OPCML: variants seen among roughly 807,000 people sequenced by gnomAD.
OPCML encodes the protein opioid binding protein/cell adhesion molecule like.
A neutral mutation model predicts 37.8 loss-of-function variants in OPCML; 13 were observed. That is an observed-to-expected ratio of 0.34 (90% CI 0.22 to 0.55). The LOEUF (loss-of-function observed/expected upper bound fraction) is 0.55. Among genes scored for constraint, OPCML ranks in the 20% least tolerant of loss-of-function variants. OPCML has a pLI of 0.91. For missense variants in OPCML, 341 were observed against 435.6 expected, an observed-to-expected ratio of 0.78 and a Z score of 1.93; for synonymous variants, 176 against 168.8, an observed-to-expected ratio of 1.04 and a Z score of -0.33.
At chr11:132,633,669 A>G (rs993711948) in intron 3 of OPCML, among the ~76,000 whole-genome samples, 2 of 152,102 alleles carry the variant, frequency 1.3e-5, no homozygotes, top group Admixed American at 6.5e-5. Flanking sequence ...TTATCCTTCC[A>G]CAAACCTGAT....
At chr11:133,392,265 T>C (rs1020357686) in intron 1 of OPCML, among the ~76,000 whole-genome samples, 1 of 152,182 alleles carries the variant, frequency 6.6e-6, no homozygotes, top group Non-Finnish European at 1.5e-5. Context: ...AAGGTATTTA[T>C]ATAAGATCAC....
At chr11:132,811,859 A>G (rs1260523395) in intron 2 of OPCML, among the ~76,000 whole-genome samples, 1 of 152,208 alleles carries the variant, frequency 6.6e-6, no homozygotes, top group East Asian at 1.9e-4. Flanking sequence ...CGCTCCATCA[A>G]TAGGCAGACG....
chr11:133,195,565 A>T (rs138365106), intron 1 of OPCML, among the ~76,000 whole-genome samples: 1 of 152,364 alleles, frequency 6.6e-6, no homozygotes, highest in Non-Finnish European at 1.5e-5. Context: ...ATGTTCTGCC[A>T]TCAATCACAC....
chr11:133,484,896 T>A (rs1947494838), intron 1 of OPCML, among the ~76,000 whole-genome samples: 2 of 151,908 alleles, frequency 1.3e-5, no homozygotes, highest in Non-Finnish European at 2.9e-5. Context: ...AACAACTATA[T>A]GTAACGAAAA....
intron 1 of OPCML, among the ~76,000 whole-genome samples, chr11:133,233,286 A>G (rs1940357616): frequency 6.6e-6 from 1 of 152,152 alleles, no homozygotes; most frequent in Non-Finnish European, 1.5e-5. Context: ...ATCCCCAAAT[A>G]TGCCACTTTG....
intron 1 of OPCML, among the ~76,000 whole-genome samples, chr11:133,390,449 C>A (rs1945149986): frequency 6.6e-6 from 1 of 151,934 alleles, no homozygotes; most frequent in African/African-American, 2.4e-5. Context: ...GGTGACAGAA[C>A]AAGACTCCAT....
intron 1 of OPCML, among the ~76,000 whole-genome samples, chr11:133,517,641 A>T (rs953162294): frequency 6.6e-6 from 1 of 152,176 alleles, no homozygotes; most frequent in African/African-American, 2.4e-5. Flanking sequence ...GGGACAGAAA[A>T]CTAATTGGAG....
In OPCML at chr11:133,365,035, A is replaced by C. The variant is rs985484568; in HGVS notation, c.61+167229T>G. Among the ~76,000 whole-genome samples, 492 of 132,942 alleles carry C rather than the reference A, an allele frequency of 3.7e-3. 2 individuals carry two copies. Among genetic ancestry groups the C allele is most frequent in the African/African-American group, 0.013 (426 of 33,636 alleles). The allele number at this position is 132,942 out of a possible 152,430, so 87.2% of individuals were successfully genotyped here. A position where few individuals can be genotyped will look rare whatever the true frequency, so the allele number is the denominator to read the frequency against. On this transcript the variant is annotated intron_variant, in intron 1 of 7. Transcript: ENST00000524381. ...TCTCCCCACTGCTGCCTCTCTCTCT[A>C]TCTCTCTCTCTTTCACACACACACA...
At chr11:133,015,838 C>A (rs1947323456) in intron 1 of OPCML, among the ~76,000 whole-genome samples, 1 of 152,182 alleles carries the variant, frequency 6.6e-6, no homozygotes, top group Non-Finnish European at 1.5e-5. Context: ...CCTGCTGTTT[C>A]CTCCTACAAT....
chr11:133,013,248 CA>C (rs767507170), intron 1 of OPCML, among the ~76,000 whole-genome samples: 14 of 152,120 alleles, frequency 9.2e-5, no homozygotes, highest in Non-Finnish European at 1.5e-4. Context: ...AACACAAGAA[CA>C]TTTTCTTTTT....
At chr11:133,310,157 C>G (rs900855297) in intron 1 of OPCML, among the ~76,000 whole-genome samples, 1 of 152,160 alleles carries the variant, frequency 6.6e-6, no homozygotes, top group African/African-American at 2.4e-5. Context: ...CTTGTTCGCA[C>G]AAATCTGATT....
chr11:133,095,576 A>T (rs994459461), intron 1 of OPCML, among the ~76,000 whole-genome samples: 1 of 146,890 alleles, frequency 6.8e-6, no homozygotes, highest in Non-Finnish European at 1.5e-5. Flanking sequence ...TATTTAAAGT[A>T]TATCTAGTAT....
chr11:133,222,304 G>C (rs749900060), intron 1 of OPCML, among the ~76,000 whole-genome samples: 1 of 152,208 alleles, frequency 6.6e-6, no homozygotes, highest in Non-Finnish European at 1.5e-5. Flanking sequence ...AGAGATGCAG[G>C]GTGGTTGTTC....
chr11:133,314,209 TG>T (rs1429732129), intron 1 of OPCML, among the ~76,000 whole-genome samples: 139 of 111,856 alleles, frequency 1.2e-3, no homozygotes, highest in African/African-American at 4.6e-3. Context: ...CACTCCAGCC[TG>T]GGCTACAGCG....
At chr11:133,356,207 C>T (rs1448254193) in intron 1 of OPCML, among the ~76,000 whole-genome samples, 2 of 152,182 alleles carry the variant, frequency 1.3e-5, no homozygotes, top group Non-Finnish European at 2.9e-5. Context: ...ACTAAATTTA[C>T]ATTATTAAAA....
chr11:133,280,584 A>T (rs1328462386), intron 1 of OPCML, among the ~76,000 whole-genome samples: 1 of 152,178 alleles, frequency 6.6e-6, no homozygotes, highest in Non-Finnish European at 1.5e-5. Flanking sequence ...GGCTCTGTTG[A>T]CTGTCAATTG....
intron 1 of OPCML, among the ~76,000 whole-genome samples, chr11:133,115,461 G>T (rs187949541): frequency 5.1e-4 from 77 of 152,174 alleles, no homozygotes; most frequent in Admixed American, 1.7e-3. Flanking sequence ...CACCTGAGAA[G>T]AAAACAGGTC....
At chr11:132,669,579 C>A (rs1784176) in intron 2 of OPCML, among the ~76,000 whole-genome samples, 28,488 of 152,000 alleles carry the variant, frequency 0.19, 3,284 homozygotes, top group African/African-American at 0.32. Context: ...GCAAGCTGCT[C>A]GGGTATTGTC....
intron 2 of OPCML, among the ~76,000 whole-genome samples, chr11:132,932,172 T>C (rs61909264): frequency 0.19 from 29,215 of 152,034 alleles, 2,869 homozygotes; most frequent in East Asian, 0.23. Flanking sequence ...TGGGGAGTTA[T>C]TGTTTAATGG....
Sources: allele counts gnomAD v4.1 joint callset (sites outside exome capture counted in the v4.1 genomes callset), GRCh38; gene constraint gnomAD v4.1.1; transcripts MANE v1.5; gene names NCBI Gene and HGNC (gene_info 2026-07-23, HGNC 2026-07-21).